Variants in DTNB observed in about 807,000 individuals in gnomAD.
DTNB encodes dystrobrevin beta, also known as DTN-B.
In DTNB, 63 loss-of-function variants were observed where a neutral mutation model predicts 90.7. The observed-to-expected ratio is 0.69, with a 90% CI of 0.57 to 0.86. DTNB has a LOEUF of 0.86. Ranked by LOEUF, DTNB falls within the 40% of genes least tolerant of loss-of-function variation. The pLI is 0.00. For missense variants in DTNB, 744 were observed against 807.1 expected, an observed-to-expected ratio of 0.92 and a Z score of 0.95; for synonymous variants, 277 against 286.7, an observed-to-expected ratio of 0.97 and a Z score of 0.34.
In DTNB at chr2:25,662,674, AC is replaced by A. The variant is rs1559430407; in HGVS notation, c.-1-10014del. Among the ~76,000 whole-genome samples, 205 of 74,720 alleles carry A rather than the reference AC, an allele frequency of 2.7e-3. 2 individuals carry two copies. The highest frequency in any genetic ancestry group is 6.2e-3 in the Middle Eastern group (1 of 162). The allele number at this position is 74,720 out of a possible 152,430, so 49.0% of individuals were successfully genotyped here. On this transcript the variant is annotated intron_variant, in intron 1 of 20. Coordinates refer to ENST00000406818, the MANE Select transcript of DTNB (RefSeq NM_021907.5). ...AATACACACACACACACACACACAC[AC>A]ACACAAACACACACACACACACACA...
In DTNB at chr2:25,628,199, G is replaced by A. The variant is rs761363651; in HGVS notation, c.334C>T (p.Leu112Phe). The A allele has an allele frequency of 3.1e-6, 5 of 1,613,750 alleles. No homozygotes were observed. Among genetic ancestry groups the A allele is most frequent in the Non-Finnish European group, 4.2e-6 (5 of 1,179,870 alleles). ...TCATATGCAGCAATCATAAAGTTGA[G>A]GAGGAGGCTGATAGATTGTTCCACA... ...ISVEQSISLL[L>F]NFMIAAYDSE... The change falls in exon 4 of 21, where the codon CTC (leucine) becomes TTC (phenylalanine). Residue 112 changes from leucine to phenylalanine, a missense_variant. By Grantham distance (22) the Leu-to-Phe change is conservative. Coordinates refer to ENST00000406818, the MANE Select transcript of DTNB (RefSeq NM_021907.5).
chr2:25,446,632 T>G (rs553583241), intron 12 of DTNB, among the ~76,000 whole-genome samples: 147 of 152,298 alleles, frequency 9.7e-4, no homozygotes, highest in African/African-American at 3.4e-3. Flanking sequence ...AGTGAATCCC[T>G]TGTAGATAAA....
At chr2:25,544,845 T>G (rs1410118947) in intron 8 of DTNB, among the ~76,000 whole-genome samples, 1 of 152,222 alleles carries the variant, frequency 6.6e-6, no homozygotes, top group Non-Finnish European at 1.5e-5. Flanking sequence ...TTTGCACTAT[T>G]TCTTCCTTCT....
intron 8 of DTNB, among the ~76,000 whole-genome samples, chr2:25,552,841 A>ATATTTTTTTTTTTTTTTTTTTTTTT (rs1559000907): frequency 3.5e-5 from 3 of 86,038 alleles, no homozygotes; most frequent in South Asian, 4.5e-4. Context: ...TCTCTTTTTG[A>ATATTTTTTTTTTTTTTTTTTTTTTT]TTTTTTTTTT....
chr2:25,541,802 T>C (rs2081321836), intron 8 of DTNB, among the ~76,000 whole-genome samples: 1 of 152,192 alleles, frequency 6.6e-6, no homozygotes, highest in South Asian at 2.1e-4. Context: ...GATTATATGG[T>C]AGTTTTGCTT....
chr2:25,524,027 G>C (rs1487688604), intron 9 of DTNB, among the ~76,000 whole-genome samples: 1 of 150,374 alleles, frequency 6.7e-6, no homozygotes, highest in Admixed American at 6.7e-5. Flanking sequence ...TCAGCCTCCC[G>C]AGTAGCTGGG....
At chr2:25,402,310 G>A (rs1318326603) in intron 16 of DTNB, among the ~76,000 whole-genome samples, 1 of 152,214 alleles carries the variant, frequency 6.6e-6, no homozygotes, top group Admixed American at 6.5e-5. Context: ...TCAGAGAATG[G>A]AGAATGAGGG....
At chr2:25,577,134 A>C (rs945580430) in intron 7 of DTNB, 130 bp from the exon 8 acceptor site, 3 of 1,104,090 alleles carry the variant, frequency 2.7e-6, no homozygotes, top group Non-Finnish European at 3.7e-6. Flanking sequence ...TATAAAAACA[A>C]AGGTAAAAAT....
intron 2 of DTNB, 116 bp downstream of exon 2, chr2:25,652,478 C>T: frequency 9.5e-7 from 1 of 1,051,060 alleles, no homozygotes. Flanking sequence ...CCATTCTTCC[C>T]TCTGCAAAGC....
At position 25,402,892 on chromosome 2, in the gene DTNB, A is replaced by T. The variant is rs2044110305; in HGVS notation, c.1576-14531T>A. On this transcript the variant is annotated intron_variant, in intron 16 of 20. Coordinates refer to ENST00000406818, the MANE Select transcript of DTNB (RefSeq NM_021907.5). The stretch of plus-strand genomic sequence containing the variant: ...AGACAAAGCTTATGCTAAGAATTAA[A>T]GAGTGAGGGCAAGGTGTACAATTAT... Among the ~76,000 whole-genome samples, 3 of 152,266 alleles carry T rather than the reference A, an allele frequency of 2.0e-5. No homozygotes were observed. The South Asian group carries it at 6.2e-4, about 31-fold the overall frequency.
intron 6 of DTNB, among the ~76,000 whole-genome samples, chr2:25,587,231 C>G (rs907648814): frequency 3.3e-5 from 5 of 152,132 alleles, no homozygotes; most frequent in African/African-American, 1.2e-4. Context: ...ATAAGGACAT[C>G]AACAGAACTG....
chr2:25,600,853 C>T (rs978719456), intron 5 of DTNB, among the ~76,000 whole-genome samples: 2 of 152,076 alleles, frequency 1.3e-5, no homozygotes, highest in Non-Finnish European at 2.9e-5. Flanking sequence ...TTAGTTACTA[C>T]GTCATATGAA....
chr2:25,436,419 G>A (rs1358712257), intron 12 of DTNB, among the ~76,000 whole-genome samples: 1 of 152,108 alleles, frequency 6.6e-6, no homozygotes, highest in Non-Finnish European at 1.5e-5. Context: ...CAGAAAGGCA[G>A]CTCTCACTGA....
intron 16 of DTNB, among the ~76,000 whole-genome samples, chr2:25,400,219 A>C (rs755044563): frequency 6.6e-6 from 1 of 152,232 alleles, no homozygotes; most frequent in Non-Finnish European, 1.5e-5. Flanking sequence ...GCACAGCAAC[A>C]TTCCTGACAT....
chr2:25,471,987 CTCTG>C, intron 10 of DTNB, among the ~76,000 whole-genome samples: 1 of 152,116 alleles, frequency 6.6e-6, no homozygotes, highest in Non-Finnish European at 1.5e-5. Flanking sequence ...AATTTCCCTG[CTCTG>C]AATGGAATAA....
chr2:25,656,422 G>A (rs564575854), intron 1 of DTNB, among the ~76,000 whole-genome samples: 2 of 152,222 alleles, frequency 1.3e-5, no homozygotes, highest in East Asian at 3.9e-4. Context: ...ATATAATCTT[G>A]AAGACCAATG....
chr2:25,621,517 G>C (rs1465775599), intron 4 of DTNB, among the ~76,000 whole-genome samples: 3 of 148,054 alleles, frequency 2.0e-5, no homozygotes, highest in Non-Finnish European at 3.0e-5. Flanking sequence ...TGTGATCTCA[G>C]CTCACCGCAA....
intron 9 of DTNB, among the ~76,000 whole-genome samples, chr2:25,509,481 T>C (rs1317372393): frequency 1.3e-5 from 2 of 152,144 alleles, no homozygotes; most frequent in East Asian, 1.9e-4. Context: ...TTTTTATTCA[T>C]CTGCAAATGT....
chr2:25,443,312 T>G (rs569557911), intron 12 of DTNB, among the ~76,000 whole-genome samples: 13 of 152,334 alleles, frequency 8.5e-5, no homozygotes, highest in Non-Finnish European at 1.8e-4. Context: ...TCTAACTTCC[T>G]GTCACAGGAG....
Sources: allele counts gnomAD v4.1 joint callset (sites outside exome capture counted in the v4.1 genomes callset), GRCh38; gene constraint gnomAD v4.1.1; transcripts MANE v1.5; gene names NCBI Gene and HGNC (gene_info 2026-07-23, HGNC 2026-07-21).